Variants in NTRK3 observed in about 807,000 individuals in gnomAD.
The protein encoded by NTRK3 is NT-3 growth factor receptor.
Under a neutral mutation model 91.7 loss-of-function variants are expected in NTRK3, and 24 were observed. The ratio of observed to expected loss-of-function variants is 0.26; its 90% CI spans 0.19 to 0.37. NTRK3 has a LOEUF of 0.37. Ranked by LOEUF, NTRK3 falls within the 10% of genes least tolerant of loss-of-function variation. The pLI is 1.00. For synonymous variants in NTRK3, 483 were observed against 404.0 expected (o/e 1.20, Z -2.34); for missense variants, 880 against 1,068.9 (o/e 0.82, Z 2.46).
chr15:88,130,962 G>A (rs1219593400), intron 10 of NTRK3, among the ~76,000 whole-genome samples: 1 of 152,142 alleles, frequency 6.6e-6, no homozygotes, highest in Non-Finnish European at 1.5e-5. Context: ...TGGGGAAGCT[G>A]GACAAAGGGT....
At chr15:88,227,320 C>A (rs2050758740) in intron 3 of NTRK3, among the ~76,000 whole-genome samples, 1 of 152,174 alleles carries the variant, frequency 6.6e-6, no homozygotes, top group African/African-American at 2.4e-5. Flanking sequence ...CTCCTCACCC[C>A]CAACATAAAA....
chr15:88,126,572 A>T (rs755822453), intron 12 of NTRK3, among the ~76,000 whole-genome samples, 199 bp from the exon 13 acceptor site: 3 of 152,186 alleles, frequency 2.0e-5, no homozygotes, highest in Non-Finnish European at 2.9e-5. Context: ...AAATTACCCA[A>T]TTTGATTAGA....
intron 13 of NTRK3, among the ~76,000 whole-genome samples, chr15:88,041,276 T>A (rs1303389141): frequency 6.6e-6 from 1 of 152,138 alleles, no homozygotes; most frequent in Non-Finnish European, 1.5e-5. Context: ...CAGAATCGAT[T>A]CCTGTACTCC....
At chr15:88,203,360 C>T (rs2048458111) in intron 3 of NTRK3, among the ~76,000 whole-genome samples, 1 of 152,188 alleles carries the variant, frequency 6.6e-6, no homozygotes, top group Admixed American at 6.5e-5. Flanking sequence ...CTGTCTCCTA[C>T]CGCATGACTC....
At chr15:88,232,219 A>AC (rs779362792) in intron 3 of NTRK3, among the ~76,000 whole-genome samples, 2 of 150,732 alleles carry the variant, frequency 1.3e-5, no homozygotes, top group Non-Finnish European at 3.0e-5. Context: ...ACAGCCAGGG[A>AC]CCCCCCTATA....
At chr15:87,972,245 CAA>C (rs2073319189) in intron 14 of NTRK3, among the ~76,000 whole-genome samples, 1 of 152,158 alleles carries the variant, frequency 6.6e-6, no homozygotes, top group Non-Finnish European at 1.5e-5. Flanking sequence ...GAAACTGAGG[CAA>C]AGACAGCCAT....
chr15:88,141,257 G>T (rs1175215204), intron 6 of NTRK3, among the ~76,000 whole-genome samples: 3 of 152,320 alleles, frequency 2.0e-5, no homozygotes, highest in Non-Finnish European at 4.4e-5. Context: ...GAAAAAATGA[G>T]ACGAACATAA....
intron 13 of NTRK3, chr15:88,098,589 C>A (rs1470937416): frequency 4.3e-6 from 1 of 230,344 alleles, no homozygotes; most frequent in African/African-American, 2.2e-5. Context: ...GAGCAGAGGG[C>A]CCCAGATAGC....
At chr15:87,991,944 C>T (rs2075318930) in intron 14 of NTRK3, among the ~76,000 whole-genome samples, 1 of 151,288 alleles carries the variant, frequency 6.6e-6, no homozygotes, top group Admixed American at 6.6e-5. Context: ...TTTAAAGGCA[C>T]CCAGGTCAGT....
chr15:87,981,117 C>T, intron 14 of NTRK3: 1 of 1,520,888 alleles, frequency 6.6e-7, no homozygotes, highest in Non-Finnish European at 8.9e-7. Context: ...AGTCGTACCT[C>T]AGTCCACGAA....
intron 5 of NTRK3, among the ~76,000 whole-genome samples, chr15:88,177,661 G>T (rs1018493550): frequency 6.6e-6 from 1 of 152,150 alleles, no homozygotes; most frequent in Admixed American, 6.5e-5. Context: ...CCAGCTTAAG[G>T]TTGACTCATG....
At chr15:87,930,108 T>G (rs1178671392) in intron 16 of NTRK3, among the ~76,000 whole-genome samples, 1 of 152,156 alleles carries the variant, frequency 6.6e-6, no homozygotes. Flanking sequence ...TCAGTGGCCC[T>G]GGGACACTCC....
In NTRK3 at chr15:88,224,911, G is replaced by C. The variant is rs548419463; in HGVS notation, c.248+30995C>G. Among the ~76,000 whole-genome samples, 10 of 152,314 alleles carry C rather than the reference G, an allele frequency of 6.6e-5. No homozygotes were observed. The East Asian group carries it at 1.7e-3, about 26-fold the overall frequency. On this transcript the variant is annotated intron_variant, in intron 3 of 18. Coordinates refer to ENST00000394480, the Ensembl canonical transcript of NTRK3. ...AGCTGGAGAATCAAACCAACCCCTGGGGAGCAGGGTGTCACTAGTGCAGGA... is the reference window on the plus strand; with the variant it reads ...AGCTGGAGAATCAAACCAACCCCTGCGGAGCAGGGTGTCACTAGTGCAGGA...
intron 13 of NTRK3, among the ~76,000 whole-genome samples, chr15:88,066,529 T>C (rs1352211866): frequency 2.0e-5 from 3 of 152,162 alleles, no homozygotes; most frequent in African/African-American, 7.2e-5. Context: ...AGCCAAACAG[T>C]ATAGGAACAT....
exon 19 of NTRK3, chr15:87,860,382 T>A (rs1250017283): frequency 4.5e-6 from 1 of 220,844 alleles, no homozygotes; most frequent in Non-Finnish European, 9.1e-6. Context: ...AAGGGTGAGA[T>A]GAAGAATAGA....
exon 19 of NTRK3, chr15:87,874,605 A>G (rs2064901520): frequency 4.3e-6 from 1 of 232,864 alleles, no homozygotes; most frequent in African/African-American, 2.2e-5. Flanking sequence ...GAAGCCACAC[A>G]GTGTTTGTTC....
At chr15:87,925,576 G>T (rs1428309824) in intron 17 of NTRK3, 1 of 212,748 alleles carries the variant, frequency 4.7e-6, no homozygotes, top group African/African-American at 2.3e-5. Flanking sequence ...AAACCTGTCC[G>T]GGGGTATCAG....
At chr15:87,994,566 A>T (rs751673276) in intron 14 of NTRK3, among the ~76,000 whole-genome samples, 1 of 152,172 alleles carries the variant, frequency 6.6e-6, no homozygotes, top group Non-Finnish European at 1.5e-5. Context: ...AGCCCTCCAG[A>T]CACCTTGATC....
At chr15:88,139,838 C>T (rs546627389) in intron 6 of NTRK3, among the ~76,000 whole-genome samples, 1 of 139,218 alleles carries the variant, frequency 7.2e-6, no homozygotes, top group African/African-American at 2.6e-5. Context: ...CAAGGCATTG[C>T]TGGGTGCAAG....
Sources: allele counts gnomAD v4.1 joint callset (sites outside exome capture counted in the v4.1 genomes callset), GRCh38; gene constraint gnomAD v4.1.1; transcripts MANE v1.5; gene names NCBI Gene and HGNC (gene_info 2026-07-23, HGNC 2026-07-21).